SOAT2: variants seen among roughly 807,000 people sequenced by gnomAD.
SOAT2 encodes the protein ACAT-2.
A neutral mutation model predicts 76.0 loss-of-function variants in SOAT2; 87 were observed. The ratio of observed to expected loss-of-function variants is 1.14; its 90% CI spans 0.96 to 1.37. SOAT2 has a LOEUF of 1.37. Ranked by LOEUF, SOAT2 falls within the 40% of genes most tolerant of loss-of-function variation. SOAT2 has a pLI of 0.00. For synonymous variants in SOAT2, 285 were observed against 275.4 expected, an observed-to-expected ratio of 1.03 and a Z score of -0.34; for missense variants, 686 against 682.1, an observed-to-expected ratio of 1.01 and a Z score of -0.06.
chr12:53,122,807 C>T (rs1938212504), intron 12 of SOAT2, among the ~76,000 whole-genome samples: 1 of 152,212 alleles, frequency 6.6e-6, no homozygotes. Context: ...TTCCACAAAA[C>T]TGCCATTGTC....
chr12:53,116,448 A>G (rs1187965876), intron 7 of SOAT2, among the ~76,000 whole-genome samples: 1 of 152,216 alleles, frequency 6.6e-6, no homozygotes, highest in Non-Finnish European at 1.5e-5. Context: ...CCATTTATAG[A>G]GCACAGGCAG....
chr12:53,104,289 C>CTT (rs777784995), intron 2 of SOAT2, 83 bp downstream of exon 2: 1,867 of 518,426 alleles, frequency 3.6e-3, no homozygotes, highest in Non-Finnish European at 4.3e-3. Context: ...ATAAAGATGA[C>CTT]TTTTTTTTTT....
Position 53,105,159 on chromosome 12 carries a change from T to C in SOAT2, c.191T>C (p.Leu64Pro), listed in dbSNP as rs1313378371. The change falls in exon 3 of 15, where the codon CTG becomes CCG. Residue 64 changes from leucine to proline, a missense_variant. Transcript: ENST00000301466. ...GCGCAGGGACAACTGAGGGAGCTGCTGGATCGGGCCATGCGGGAGGCTATA... is the reference window on the plus strand; with the variant it reads ...GCGCAGGGACAACTGAGGGAGCTGCCGGATCGGGCCATGCGGGAGGCTATA... Reference protein sequence around the residue: ...EQAQGQLRELLDRAMREAIQS... With the variant: ...EQAQGQLRELPDRAMREAIQS... 8 of 1,581,200 alleles carry C rather than the reference T, an allele frequency of 5.1e-6. No homozygotes were observed. Among genetic ancestry groups the C allele is most frequent in the Non-Finnish European group, 6.9e-6 (8 of 1,163,556 alleles).
chr12:53,124,420 T>C lies in SOAT2; in HGVS notation c.*297T>C. 2.4e-6 allele frequency: 1 copy of C among 422,686 alleles called. No individual in the cohort carries two copies. Among genetic ancestry groups the C allele is most frequent in the Non-Finnish European group, 4.2e-6 (1 of 235,518 alleles). 26.2% of individuals were successfully genotyped at this position (422,686 alleles called of 1,614,324 possible). ...GGGAGACTTGGGGTACCTTATGGATTTGATGAATGTGGGGGAACTCAGAGG... is the reference window on the plus strand; with the variant it reads ...GGGAGACTTGGGGTACCTTATGGATCTGATGAATGTGGGGGAACTCAGAGG... On this transcript the variant is annotated 3_prime_UTR_variant, in exon 15 of 15. Coordinates refer to ENST00000301466, the MANE Select transcript of SOAT2 (RefSeq NM_003578.4).
chr12:53,123,357 G>C, intron 13 of SOAT2, 141 bp downstream of exon 13: 1 of 1,064,524 alleles, frequency 9.4e-7, no homozygotes, highest in Non-Finnish European at 1.4e-6. Flanking sequence ...GTGGAGTCAA[G>C]GGGGTACTTG....
Position 53,123,970 on chromosome 12 carries a change from G to A in SOAT2, c.1518+97G>A. ...TTCCCCAACTCACCGGCCACAGTCA[G>A]GCACCAGGGCCTGGCTTGGGGGTGA... On this transcript the variant is annotated intron_variant, in intron 14 of 14. Transcript: ENST00000301466. 2.5e-6 allele frequency: 4 copies of A among 1,604,342 alleles called. No individual in the cohort carries two copies. The South Asian group carries it at 4.4e-5, about 18-fold the overall frequency.
chr12:53,109,047 G>A (rs762593961), intron 5 of SOAT2, among the ~76,000 whole-genome samples: 1 of 152,084 alleles, frequency 6.6e-6, no homozygotes, highest in African/African-American at 2.4e-5. Context: ...AACCAACCTG[G>A]CCAATATGGT....
Position 53,105,555 on chromosome 12 carries a change from A to G in SOAT2, c.276-6A>G, listed in dbSNP as rs200683369. On this transcript the variant is annotated splice_region_variant and splice_polypyrimidine_tract_variant and intron_variant, in intron 3 of 14. Transcript: ENST00000301466. ...TTCCTGACCCTGAACAAACATCTCA[A>G]TTCAGGACCCAGGAGCCATCCCTGG... is the stretch of plus-strand genomic sequence containing the variant. 4.2e-5 allele frequency: 67 copies of G among 1,610,290 alleles called. No individual in the cohort carries two copies. In the African/African-American group the frequency reaches 7.6e-4, roughly 18 times the overall value.
In SOAT2 at chr12:53,115,557, T is replaced by TTC; in HGVS notation, c.611_612insTC (p.Ala205GlnfsTer37). Reference sequence around the variant, plus strand: ...GCGACGGGCCTGGGCTGTGCGCTGCTAGCCGCCCACGCCGTGGTGCTCTGC... The same window carrying TTC: ...GCGACGGGCCTGGGCTGTGCGCTGCTTCAGCCGCCCACGCCGTGGTGCTCTGC... On this transcript the variant is annotated frameshift_variant, in exon 6 of 15. Transcript: ENST00000301466. LOFTEE classifies it high-confidence loss of function. 6.3e-7 allele frequency: 1 copy of TTC among 1,593,442 alleles called. No homozygotes were observed. Among genetic ancestry groups the TTC allele is most frequent in the Non-Finnish European group, 8.5e-7 (1 of 1,175,444 alleles).
intron 5 of SOAT2, among the ~76,000 whole-genome samples, chr12:53,110,852 A>G (rs1937999914): frequency 6.6e-6 from 1 of 152,140 alleles, no homozygotes; most frequent in African/African-American, 2.4e-5. Flanking sequence ...CTTTATTTTT[A>G]TAACTTTTTT....
chr12:53,120,680 T>G, intron 10 of SOAT2, 106 bp from the exon 11 acceptor site: 1 of 743,620 alleles, frequency 1.3e-6, no homozygotes, highest in African/African-American at 1.8e-5. Flanking sequence ...ATGGTAAGAG[T>G]TGGGGCCCTG....
chr12:53,122,921 G>A lies in SOAT2; in HGVS notation c.1237-160G>A, dbSNP rs532745481. 1.7e-3 allele frequency among the ~76,000 whole-genome samples: 255 copies of A among 152,054 alleles called. 1 individual carries two copies. Among genetic ancestry groups the A allele is most frequent in the African/African-American group, 5.7e-3 (238 of 41,512 alleles). ...CCAGTAGGGGCGGCCGGGCAGAGGC[G>A]CCCCTCACCTCCCGGACGGGGCGGC... On this transcript the variant is annotated intron_variant, in intron 12 of 14. Coordinates refer to ENST00000301466, the MANE Select transcript of SOAT2 (RefSeq NM_003578.4).
chr12:53,115,643 G>C lies in SOAT2; in HGVS notation c.697G>C (p.Val233Leu). The change falls in exon 6 of 15, where the codon GTC (valine) becomes CTC (leucine). Residue 233 changes from valine to leucine, a missense_variant. Coordinates refer to ENST00000301466, the MANE Select transcript of SOAT2 (RefSeq NM_003578.4). Reference protein sequence around the residue: ...QLPPASRCVLVFEQVRFLMKS... With the variant: ...QLPPASRCVLLFEQVRFLMKS... ...CCCGCCGGCCTCCCGTTGTGTCCTG[G>C]TCTTCGAGCAGGTGAGGGCCGAGCC... 1 of 1,538,774 alleles carries C rather than the reference G, an allele frequency of 6.5e-7. No individual in the cohort carries two copies. The highest frequency in any genetic ancestry group is 1.2e-5 in the South Asian group (1 of 82,660).
At position 53,103,662 on chromosome 12, in the gene SOAT2, G is replaced by A; in HGVS notation, c.82+3G>A. 1 of 1,529,024 alleles carries A rather than the reference G, an allele frequency of 6.5e-7. No homozygotes were observed. Among genetic ancestry groups the A allele is most frequent in the Admixed American group, 2.1e-5 (1 of 48,250 alleles). The allele number at this position is 1,529,024 out of a possible 1,614,324, so 94.7% of individuals were successfully genotyped here. On this transcript the variant is annotated splice_donor_region_variant and intron_variant, in intron 1 of 14. Transcript: ENST00000301466. ...GGAGCGCCAACCCTGTGGAGATGGT[G>A]AGCCGCCCTCGGGGGTGCAGAAGGC...
At chr12:53,114,287 G>A (rs1938067230) in intron 5 of SOAT2, among the ~76,000 whole-genome samples, 1 of 151,982 alleles carries the variant, frequency 6.6e-6, no homozygotes, top group South Asian at 2.1e-4. Flanking sequence ...AAAATCTACT[G>A]CTAGGTTTGC....
chr12:53,110,708 T>C (rs1029469063), intron 5 of SOAT2, among the ~76,000 whole-genome samples: 3 of 152,222 alleles, frequency 2.0e-5, no homozygotes, highest in African/African-American at 7.2e-5. Context: ...AAAATAAATT[T>C]AACAATTTTT....
chr12:53,115,740 G>A, intron 6 of SOAT2, 86 bp downstream of exon 6: 1 of 1,404,538 alleles, frequency 7.1e-7, no homozygotes, highest in Non-Finnish European at 9.3e-7. Flanking sequence ...AAGAGGGGGC[G>A]GGGCCCACGA....
Position 53,107,622 on chromosome 12 carries a change from CTT to C in SOAT2, c.443+1625_443+1626del, listed in dbSNP as rs1303838303. ...AGACTAGAATTTAACAACAGATGTA[CTT>C]TTTTTTTTTTTTTTTTGAGACAGAG... On this transcript the variant is annotated intron_variant, in intron 5 of 14. Coordinates refer to ENST00000301466, the MANE Select transcript of SOAT2 (RefSeq NM_003578.4). 6.5e-4 allele frequency among the ~76,000 whole-genome samples: 76 copies of C among 116,972 alleles called. 1 individual carries two copies. Among genetic ancestry groups the C allele is most frequent in the South Asian group, 2.2e-3 (9 of 4,098 alleles). The allele number at this position is 116,972 out of a possible 152,430, so 76.7% of individuals were successfully genotyped here.
intron 2 of SOAT2, 85 bp downstream of exon 2, chr12:53,104,291 T>C (rs1292699975): frequency 1.2e-5 from 4 of 326,052 alleles, no homozygotes; most frequent in East Asian, 1.1e-4. Flanking sequence ...AAAGATGACT[T>C]TTTTTTTTTT....
Sources: allele counts gnomAD v4.1 joint callset (sites outside exome capture counted in the v4.1 genomes callset), GRCh38; gene constraint gnomAD v4.1.1; transcripts MANE v1.5; gene names NCBI Gene and HGNC (gene_info 2026-07-23, HGNC 2026-07-21).